LAMA2: variants seen among roughly 807,000 people sequenced by gnomAD.
The protein encoded by LAMA2 is laminin subunit alpha 2.
A neutral mutation model predicts 364.8 loss-of-function variants in LAMA2; 269 were observed. That is an observed-to-expected ratio of 0.74 (90% CI 0.67 to 0.82). LAMA2 has a LOEUF of 0.82. LAMA2 is among the 40% of genes least tolerant of loss of function. The pLI is 0.00. For synonymous variants in LAMA2, 1,379 were observed against 1,370.6 expected (o/e 1.01, Z -0.14); for missense variants, 3,807 against 3,873.2 (o/e 0.98, Z 0.45).
chr6:129,016,401 A>T (rs143806266), intron 1 of LAMA2, among the ~76,000 whole-genome samples: 3 of 152,206 alleles, frequency 2.0e-5, no homozygotes, highest in Non-Finnish European at 2.9e-5. Context: ...TAACAGCACT[A>T]TTAATAATAT....
chr6:128,962,426 C>G (rs764624292), intron 1 of LAMA2, among the ~76,000 whole-genome samples: 58 of 151,720 alleles, frequency 3.8e-4, no homozygotes, highest in Non-Finnish European at 7.4e-4. Flanking sequence ...GTATGAAACT[C>G]TTTAATTTTG....
At chr6:129,160,481 T>C (rs908044532) in intron 8 of LAMA2, among the ~76,000 whole-genome samples, 3 of 152,086 alleles carry the variant, frequency 2.0e-5, no homozygotes, top group African/African-American at 7.2e-5. Flanking sequence ...TTTTCTCCTT[T>C]TATTGATCAC....
intron 28 of LAMA2, among the ~76,000 whole-genome samples, chr6:129,327,930 G>A (rs1775399116): frequency 6.6e-6 from 1 of 152,042 alleles, no homozygotes; most frequent in African/African-American, 2.4e-5. Context: ...GCAGATTTTA[G>A]GTGTTAAAGA....
At chr6:129,330,931 C>A (rs564131155) in intron 29 of LAMA2, among the ~76,000 whole-genome samples, 12 of 151,644 alleles carry the variant, frequency 7.9e-5, no homozygotes, top group Admixed American at 5.2e-4. Context: ...TGCAGTGACG[C>A]GATCTCAGCT....
At position 129,313,065 on chromosome 6, in the gene LAMA2, T is replaced by C. The variant is rs774687955; in HGVS notation, c.3379T>C (p.Cys1127Arg). 1 of 1,612,102 alleles carries C rather than the reference T, an allele frequency of 6.2e-7. No homozygotes were observed. The highest frequency in any genetic ancestry group is 1.7e-5 in the Admixed American group (1 of 59,994). Residue 1127 changes from cysteine to arginine, a missense_variant, in exon 23 of 65, where the codon TGT (cysteine) becomes CGT (arginine). Around this residue, in one of 3 missense-constraint regions of LAMA2, gnomAD observed 3,333 missense variants for 3,345.7 expected, o/e 1.00. Coordinates refer to ENST00000421865, the MANE Select transcript of LAMA2 (RefSeq NM_000426.4). ...TGATTCAGAGACTAAAAAATGCTCC[T>C]GTAGTGATCAAACTGGGCAGTGCAC... ...TCDSETKKCS[C>R]SDQTGQCTCK...
At chr6:129,020,216 C>A (rs1304620962) in intron 1 of LAMA2, among the ~76,000 whole-genome samples, 2 of 151,808 alleles carry the variant, frequency 1.3e-5, no homozygotes, top group Non-Finnish European at 2.9e-5. Context: ...ATTTTTTCCT[C>A]TGGGATCCTG....
intron 1 of LAMA2, among the ~76,000 whole-genome samples, chr6:128,896,237 AG>A (rs1776763677): frequency 1.3e-5 from 2 of 152,014 alleles, no homozygotes; most frequent in Admixed American, 1.3e-4. Flanking sequence ...CTCCTTATCT[AG>A]TATAATTTAT....
chr6:129,209,928 C>T (rs1332960829), intron 12 of LAMA2, among the ~76,000 whole-genome samples: 5 of 142,850 alleles, frequency 3.5e-5, no homozygotes, highest in Non-Finnish European at 7.5e-5. Context: ...GACGTGAAGC[C>T]GGGAGGTGGA....
chr6:129,246,485 C>T (rs1237715275), intron 12 of LAMA2, among the ~76,000 whole-genome samples: 1 of 152,118 alleles, frequency 6.6e-6, no homozygotes, highest in East Asian at 1.9e-4. Context: ...CTGCAGCACC[C>T]TGGGGCACCT....
rs759330297 is a variant in LAMA2 at position 129,475,429 on chromosome 6, T to C, written c.7451+28T>C. 5.1e-6 allele frequency: 8 copies of C among 1,558,166 alleles called. No individual in the cohort carries two copies. In the African/African-American group the frequency reaches 1.1e-4, roughly 21 times the overall value. On this transcript the variant is annotated intron_variant, in intron 53 of 64. Transcript: ENST00000421865. ...AAAATTTAAATTTATGCATGCCTTC[T>C]TCGAGTGCATGGGTTGGGTAAATGT... is the stretch of plus-strand genomic sequence containing the variant.
chr6:129,414,199 G>A (rs796722175), intron 40 of LAMA2, among the ~76,000 whole-genome samples: 75 of 152,058 alleles, frequency 4.9e-4, no homozygotes, highest in African/African-American at 1.7e-3. Context: ...AACTATAACC[G>A]TTAAATAAAT....
intron 12 of LAMA2, among the ~76,000 whole-genome samples, chr6:129,228,833 T>C (rs1000810579): frequency 1.3e-5 from 2 of 152,228 alleles, no homozygotes; most frequent in African/African-American, 4.8e-5. Flanking sequence ...GATTCTTTAC[T>C]GCTCTCAGCT....
intron 40 of LAMA2, among the ~76,000 whole-genome samples, chr6:129,426,047 C>T (rs572385184): frequency 6.6e-6 from 1 of 152,154 alleles, no homozygotes; most frequent in East Asian, 1.9e-4. Flanking sequence ...TATAAATGGC[C>T]TATATTATCT....
intron 1 of LAMA2, among the ~76,000 whole-genome samples, chr6:128,890,032 T>C (rs935675925): frequency 6.6e-6 from 1 of 152,150 alleles, no homozygotes. Context: ...TCAGGAGCTA[T>C]TTAGTGCCTG....
chr6:129,010,392 T>G (rs1002519034), intron 1 of LAMA2, among the ~76,000 whole-genome samples: 9 of 152,208 alleles, frequency 5.9e-5, no homozygotes, highest in African/African-American at 2.2e-4. Context: ...AAATAGAGGA[T>G]ACAGCTCTGA....
intron 3 of LAMA2, among the ~76,000 whole-genome samples, chr6:129,092,320 A>T (rs1241711573): frequency 6.6e-6 from 1 of 152,238 alleles, no homozygotes; most frequent in Non-Finnish European, 1.5e-5. Context: ...ACAGAGAGAC[A>T]TTACCTGCAG....
intron 12 of LAMA2, among the ~76,000 whole-genome samples, chr6:129,237,429 C>T (rs535941543): frequency 3.3e-5 from 5 of 151,304 alleles, no homozygotes; most frequent in African/African-American, 7.3e-5. Context: ...CTCCACCTCC[C>T]GGGTTCAAGT....
chr6:129,368,536 C>A (rs1777900833), intron 33 of LAMA2, among the ~76,000 whole-genome samples: 1 of 152,062 alleles, frequency 6.6e-6, no homozygotes, highest in South Asian at 2.1e-4. Context: ...GGAGAGAATA[C>A]AGAAAAATAA....
intron 17 of LAMA2, among the ~76,000 whole-genome samples, chr6:129,277,904 A>G (rs969956153): frequency 6.6e-6 from 1 of 152,178 alleles, no homozygotes; most frequent in Non-Finnish European, 1.5e-5. Context: ...TTTTATGAAT[A>G]GCTTTAAAGT....
Sources: allele counts gnomAD v4.1 joint callset (sites outside exome capture counted in the v4.1 genomes callset), GRCh38; gene constraint gnomAD v4.1.1; regional missense constraint gnomAD v4.1.1; transcripts MANE v1.5; gene names NCBI Gene and HGNC (gene_info 2026-07-23, HGNC 2026-07-21).